The following MECOM variants were observed in gnomAD, a reference collection of about 807,000 sequenced individuals.
MECOM encodes MDS1 and EVI1 complex locus, also known as histone-lysine N-methyltransferase MECOM.
A neutral mutation model predicts 116.3 loss-of-function variants in MECOM; 13 were observed. The ratio of observed to expected loss-of-function variants is 0.11; its 90% CI spans 0.07 to 0.18. The LOEUF (loss-of-function observed/expected upper bound fraction) is 0.18. Among genes scored for constraint, MECOM ranks in the 10% least tolerant of loss-of-function variants. MECOM has a pLI of 1.00. For synonymous variants in MECOM, 528 were observed against 535.2 expected (o/e 0.99, Z 0.19); for missense variants, 1,299 against 1,509.0 (o/e 0.86, Z 2.31).
intron 1 of MECOM, among the ~76,000 whole-genome samples, chr3:169,443,899 G>GA (rs1744161314): frequency 6.6e-6 from 1 of 152,104 alleles, no homozygotes; most frequent in African/African-American, 2.4e-5. Flanking sequence ...AGTTAGCTCT[G>GA]GCTCCTCCAC....
At chr3:169,419,330 T>C (rs970832405) in intron 1 of MECOM, among the ~76,000 whole-genome samples, 3 of 152,166 alleles carry the variant, frequency 2.0e-5, no homozygotes, top group Admixed American at 6.5e-5. Context: ...CAAAGTAATT[T>C]ATAGATTCAA....
intron 2 of MECOM, among the ~76,000 whole-genome samples, chr3:169,166,520 A>T (rs746478626): frequency 1.3e-5 from 2 of 152,226 alleles, no homozygotes; most frequent in Non-Finnish European, 2.9e-5. Flanking sequence ...TATTTATGTG[A>T]CTATAAGCAA....
At chr3:169,371,513 C>CCACA in intron 2 of MECOM, among the ~76,000 whole-genome samples, 1 of 86,044 alleles carries the variant, frequency 1.2e-5, no homozygotes, top group Non-Finnish European at 2.1e-5. Flanking sequence ...AGTATTTTCA[C>CCACA]TACACACACA....
At chr3:169,430,837 C>T (rs1405521304) in intron 1 of MECOM, among the ~76,000 whole-genome samples, 2 of 152,090 alleles carry the variant, frequency 1.3e-5, no homozygotes, top group Non-Finnish European at 2.9e-5. Flanking sequence ...TTAGGTTTAC[C>T]TTTGCTTTCA....
At chr3:169,270,943 T>C (rs1238021857) in intron 2 of MECOM, among the ~76,000 whole-genome samples, 1 of 152,218 alleles carries the variant, frequency 6.6e-6, no homozygotes, top group Non-Finnish European at 1.5e-5. Flanking sequence ...TTTTTTGTAA[T>C]ACTGCTTTTA....
intron 1 of MECOM, among the ~76,000 whole-genome samples, chr3:169,660,185 A>G (rs1776098488): frequency 6.6e-6 from 1 of 152,216 alleles, no homozygotes; most frequent in African/African-American, 2.4e-5. Context: ...TAGCTGCCCA[A>G]GAAAACGGCT....
intron 1 of MECOM, among the ~76,000 whole-genome samples, chr3:169,500,866 C>T (rs1754439652): frequency 6.6e-6 from 1 of 151,904 alleles, no homozygotes; most frequent in African/African-American, 2.4e-5. Flanking sequence ...AACTTAATCT[C>T]TTCCACTGAT....
chr3:169,089,573 C>A (rs1358396582), intron 15 of MECOM, among the ~76,000 whole-genome samples: 1 of 151,988 alleles, frequency 6.6e-6, no homozygotes, highest in African/African-American at 2.4e-5. Flanking sequence ...TATTTCTTTT[C>A]ATTTAAAAAG....
At chr3:169,506,072 G>A (rs1460816231) in intron 1 of MECOM, among the ~76,000 whole-genome samples, 1 of 152,228 alleles carries the variant, frequency 6.6e-6, no homozygotes, top group Non-Finnish European at 1.5e-5. Context: ...CCGTTCTGAA[G>A]AGCACAGTAA....
chr3:169,366,185 C>T (rs1729134637), intron 2 of MECOM, among the ~76,000 whole-genome samples: 1 of 151,818 alleles, frequency 6.6e-6, no homozygotes, highest in Non-Finnish European at 1.5e-5. Flanking sequence ...TGGTTGGGTC[C>T]CAGGGTTGGT....
chr3:169,253,654 T>G lies in MECOM; in HGVS notation c.376-109822A>C, dbSNP rs181145480. 3.7e-4 allele frequency among the ~76,000 whole-genome samples: 57 copies of G among 152,234 alleles called. No individual in the cohort carries two copies. The East Asian group carries it at 6.6e-3, about 18-fold the overall frequency. ...ATACATCTATATATACTTCATATGA[T>G]TTTTTGAATGTATATATTTGCAGAA... is the stretch of plus-strand genomic sequence containing the variant. On this transcript the variant is annotated intron_variant, in intron 2 of 16. Coordinates refer to ENST00000651503, the MANE Select transcript of MECOM (RefSeq NM_004991.4).
intron 2 of MECOM, among the ~76,000 whole-genome samples, chr3:169,322,884 G>C (rs924823797): frequency 2.1e-5 from 3 of 145,142 alleles, no homozygotes; most frequent in Non-Finnish European, 4.5e-5. Flanking sequence ...TGTAATCCCA[G>C]CTACGTGGGA....
chr3:169,174,541 C>A (rs910346555), intron 2 of MECOM, among the ~76,000 whole-genome samples: 2 of 152,098 alleles, frequency 1.3e-5, no homozygotes, highest in African/African-American at 4.8e-5. Context: ...CAAGTTTATG[C>A]CCAAACATCA....
intron 1 of MECOM, among the ~76,000 whole-genome samples, chr3:169,422,138 A>G (rs530564092): frequency 1.3e-5 from 2 of 152,280 alleles, no homozygotes; most frequent in South Asian, 2.1e-4. Context: ...ATTTGTACCA[A>G]TAAATACTCT....
intron 1 of MECOM, among the ~76,000 whole-genome samples, chr3:169,457,038 C>G (rs1008695705): frequency 6.6e-6 from 1 of 152,102 alleles, no homozygotes; most frequent in South Asian, 2.1e-4. Context: ...AGCAGCCAGA[C>G]CCAGGGCCAG....
chr3:169,163,516 T>C (rs1291218399), intron 2 of MECOM, among the ~76,000 whole-genome samples: 1 of 152,188 alleles, frequency 6.6e-6, no homozygotes, highest in East Asian at 1.9e-4. Context: ...GAAAGCTTAG[T>C]ATACATCATT....
intron 3 of MECOM, among the ~76,000 whole-genome samples, chr3:169,139,682 C>T (rs767367403): frequency 3.8e-4 from 58 of 152,134 alleles, no homozygotes; most frequent in Middle Eastern, 3.4e-3. Context: ...CAGAGAACTA[C>T]TCCATAAGTA....
intron 1 of MECOM, among the ~76,000 whole-genome samples, chr3:169,398,799 A>G (rs961754027): frequency 3.3e-5 from 5 of 152,164 alleles, no homozygotes; most frequent in African/African-American, 1.2e-4. Context: ...CAACACACAC[A>G]TAGAGAACAT....
At chr3:169,189,296 AG>A (rs1747202764) in intron 2 of MECOM, among the ~76,000 whole-genome samples, 1 of 151,946 alleles carries the variant, frequency 6.6e-6, no homozygotes, top group African/African-American at 2.4e-5. Flanking sequence ...CTAGGGGCAG[AG>A]GGAAATCCAG....
Sources: gnomAD v4.1 joint callset for allele counts (sites outside exome capture counted in the v4.1 genomes callset) on GRCh38, gnomAD v4.1.1 for gene constraint, MANE v1.5 for transcripts, NCBI Gene and HGNC (gene_info 2026-07-23, HGNC 2026-07-21) for gene names.